The following DYRK1A variants were observed in gnomAD, a reference collection of about 807,000 sequenced individuals.
DYRK1A encodes the protein dual specificity tyrosine-phosphorylation-regulated kinase 1A.
DYRK1A carries 9 observed loss-of-function variants against 79.7 expected under a neutral mutation model. That is an observed-to-expected ratio of 0.11 (90% CI 0.07 to 0.20). The LOEUF is 0.20. DYRK1A is among the 10% of genes least tolerant of loss of function. DYRK1A has a pLI of 1.00. For missense variants in DYRK1A, 622 were observed against 956.0 expected (o/e 0.65, Z 4.61); for synonymous variants, 349 against 329.7 (o/e 1.06, Z -0.63).
At chr21:37,476,893 G>A (rs1221661645) in intron 3 of DYRK1A, among the ~76,000 whole-genome samples, 2 of 146,654 alleles carry the variant, frequency 1.4e-5, no homozygotes, top group East Asian at 4.0e-4. Context: ...TCAGTAAATG[G>A]GTGAATTTGC....
chr21:37,387,423 T>A (rs547039388), intron 1 of DYRK1A, among the ~76,000 whole-genome samples: 1 of 152,348 alleles, frequency 6.6e-6, no homozygotes, highest in Admixed American at 6.5e-5. Context: ...AGTTAGTAAT[T>A]GTATTTCCAT....
At chr21:37,420,192 A>G (rs1422927669) in intron 1 of DYRK1A, 107 bp from the exon 2 acceptor site, 3 of 416,730 alleles carry the variant, frequency 7.2e-6, no homozygotes, top group Admixed American at 4.4e-5. Flanking sequence ...AATTTGAAGT[A>G]ATTTTATTCT....
rs2053904715 is a variant in DYRK1A at position 37,518,627 on chromosome 21, T to C, written c.*6096T>C. 2 of 151,570 alleles carry C rather than the reference T, an allele frequency of 1.3e-5. No homozygotes were observed. The highest frequency in any genetic ancestry group is 2.9e-5 in the Non-Finnish European group (2 of 67,952). The allele number at this position is 151,570 out of a possible 1,614,324, so 9.4% of individuals were successfully genotyped here. A position where few individuals can be genotyped will look rare whatever the true frequency, so the allele number is the denominator to read the frequency against. Reference sequence around the variant, plus strand: ...CTGAATCCAAGGACTTTTTTTTTTTTTTTTTTTGGAGACAGTCTTGCTTTG... The same window carrying C: ...CTGAATCCAAGGACTTTTTTTTTTTCTTTTTTTGGAGACAGTCTTGCTTTG... On this transcript the variant is annotated 3_prime_UTR_variant, in exon 12 of 12. Transcript: ENST00000647188.
chr21:37,369,595 G>C (rs2148350498), intron 1 of DYRK1A, among the ~76,000 whole-genome samples: 2 of 152,324 alleles, frequency 1.3e-5, no homozygotes, highest in South Asian at 4.1e-4. Context: ...AAGTTCTCTT[G>C]TAAAAAGTTC....
At chr21:37,435,340 G>C (rs2148463386) in intron 2 of DYRK1A, among the ~76,000 whole-genome samples, 1 of 152,290 alleles carries the variant, frequency 6.6e-6, no homozygotes, top group South Asian at 2.1e-4. Context: ...CTGTTGCTGG[G>C]GTTCAGGGAT....
intron 3 of DYRK1A, among the ~76,000 whole-genome samples, chr21:37,476,778 T>C (rs1012467574): frequency 3.3e-5 from 5 of 151,218 alleles, no homozygotes; most frequent in African/African-American, 9.8e-5. Flanking sequence ...TTCTTAATTC[T>C]GATGATTTTT....
intron 2 of DYRK1A, among the ~76,000 whole-genome samples, chr21:37,470,803 T>G (rs921157685): frequency 2.6e-5 from 4 of 152,240 alleles, no homozygotes; most frequent in Admixed American, 2.0e-4. Flanking sequence ...ATTATTGCCT[T>G]AGTGTAAGTT....
chr21:37,410,122 T>C (rs1193401920), intron 1 of DYRK1A, among the ~76,000 whole-genome samples: 1 of 152,198 alleles, frequency 6.6e-6, no homozygotes, highest in Non-Finnish European at 1.5e-5. Context: ...CATGCTTAAA[T>C]AGACTGTGTA....
Position 37,516,194 on chromosome 21 carries a change from A to G in DYRK1A, c.*3663A>G, listed in dbSNP as rs1421110933. 1 of 152,198 alleles carries G rather than the reference A, an allele frequency of 6.6e-6. No individual in the cohort carries two copies. Among genetic ancestry groups the G allele is most frequent in the Non-Finnish European group, 1.5e-5 (1 of 68,028 alleles). The allele number at this position is 152,198 out of a possible 1,614,324, so 9.4% of individuals were successfully genotyped here. ...ATTTTTATAGTGGTAGACTGTATGT[A>G]ATAGACCAGATGGTTCATTCCAAAT... is the stretch of plus-strand genomic sequence containing the variant. On this transcript the variant is annotated 3_prime_UTR_variant, in exon 12 of 12. Transcript: ENST00000647188.
intron 5 of DYRK1A, among the ~76,000 whole-genome samples, chr21:37,483,442 C>T (rs552029475): frequency 4.6e-5 from 7 of 152,310 alleles, no homozygotes; most frequent in Admixed American, 3.3e-4. Flanking sequence ...CCTGATGTCA[C>T]GTGTATATGT....
At chr21:37,398,086 T>C (rs2049989154) in intron 1 of DYRK1A, among the ~76,000 whole-genome samples, 2 of 146,928 alleles carry the variant, frequency 1.4e-5, no homozygotes, top group South Asian at 4.2e-4. Flanking sequence ...AATATATATA[T>C]ATATTTATAT....
intron 2 of DYRK1A, chr21:37,425,931 A>G (rs1293219515): frequency 6.6e-6 from 1 of 152,200 alleles, no homozygotes; most frequent in African/African-American, 2.4e-5. Flanking sequence ...AGACTTGCGG[A>G]AATTATGTTT....
chr21:37,439,004 T>A (rs141070200), intron 2 of DYRK1A, among the ~76,000 whole-genome samples: 98 of 152,336 alleles, frequency 6.4e-4, no homozygotes, highest in Admixed American at 1.0e-3. Flanking sequence ...GTATGCAGTT[T>A]TTTCATGTAT....
chr21:37,465,491 G>T (rs1031750607), intron 2 of DYRK1A, among the ~76,000 whole-genome samples: 1 of 152,098 alleles, frequency 6.6e-6, no homozygotes, highest in Non-Finnish European at 1.5e-5. Context: ...TTTTATTAAG[G>T]TGACCAATGC....
intron 1 of DYRK1A, among the ~76,000 whole-genome samples, chr21:37,413,014 T>C (rs1016578089): frequency 1.3e-5 from 2 of 152,154 alleles, no homozygotes; most frequent in Non-Finnish European, 2.9e-5. Flanking sequence ...AGAGGTCACA[T>C]CTGAGGTTAG....
intron 2 of DYRK1A, chr21:37,428,732 TAAG>T (rs1438925485): frequency 6.6e-6 from 1 of 152,154 alleles, no homozygotes; most frequent in Non-Finnish European, 1.5e-5. Flanking sequence ...TGGCTTAGTG[TAAG>T]AAGATTCTTT....
At chr21:37,374,331 G>A (rs547267575) in intron 1 of DYRK1A, among the ~76,000 whole-genome samples, 7 of 149,468 alleles carry the variant, frequency 4.7e-5, no homozygotes, top group Admixed American at 2.7e-4. Flanking sequence ...ATATTTAAAC[G>A]TACATTTACT....
At position 37,382,219 on chromosome 21, in the gene DYRK1A, A is replaced by T. The variant is rs528332090; in HGVS notation, c.-77+14591A>T. Among the ~76,000 whole-genome samples the T allele has an allele frequency of 8.7e-3, 1,277 of 146,156 alleles. 15 individuals carry two copies. Among genetic ancestry groups the T allele is most frequent in the East Asian group, 0.026 (129 of 5,030 alleles). On this transcript the variant is annotated intron_variant, in intron 1 of 11. Transcript: ENST00000647188. ...TGAAGCTTGCTTTCTTTTTTTTTTT[A>T]AAAAAAAAAATTAAATTTTTTTTTA...
chr21:37,404,039 G>A lies in DYRK1A; in HGVS notation c.-76-16260G>A, dbSNP rs117895974. Among the ~76,000 whole-genome samples, 14 of 152,214 alleles carry A rather than the reference G, an allele frequency of 9.2e-5. No individual in the cohort carries two copies. The East Asian group carries it at 2.7e-3, about 29-fold the overall frequency. On this transcript the variant is annotated intron_variant, in intron 1 of 11. Transcript: ENST00000647188. ...TATTGGTACTGGTTTGGAGTAGGCT[G>A]TATGCTAGAGTGTGGTTCTTAGTCT...
Sources: gnomAD v4.1 joint callset for allele counts (sites outside exome capture counted in the v4.1 genomes callset) on GRCh38, gnomAD v4.1.1 for gene constraint, MANE v1.5 for transcripts, NCBI Gene and HGNC (gene_info 2026-07-23, HGNC 2026-07-21) for gene names.